MGAT5B: variants seen among roughly 807,000 people sequenced by gnomAD.
MGAT5B encodes the protein N-acetylglucosaminyl-transferase Vb.
MGAT5B carries 54 observed loss-of-function variants against 95.1 expected under a neutral mutation model. The ratio of observed to expected loss-of-function variants is 0.57; its 90% CI spans 0.46 to 0.71. The LOEUF (loss-of-function observed/expected upper bound fraction) is 0.71. Among genes scored for constraint, MGAT5B ranks in the 30% least tolerant of loss-of-function variants. The pLI is 0.00. For missense variants in MGAT5B, 935 were observed against 1,088.6 expected (o/e 0.86, Z 1.99); for synonymous variants, 464 against 451.0 (o/e 1.03, Z -0.36).
intron 8 of MGAT5B, among the ~76,000 whole-genome samples, chr17:76,923,491 T>TCCAG (rs1282177390): frequency 6.6e-6 from 1 of 152,060 alleles, no homozygotes; most frequent in African/African-American, 2.4e-5. Flanking sequence ...GATGGTCACA[T>TCCAG]CCAGCCCCAT....
intron 3 of MGAT5B, among the ~76,000 whole-genome samples, chr17:76,891,490 C>G (rs1347293147): frequency 6.6e-6 from 1 of 152,146 alleles, no homozygotes; most frequent in African/African-American, 2.4e-5. Flanking sequence ...AGCGATTCTC[C>G]TGCCTGAGCC....
At chr17:76,929,494 T>C (rs1241773314) in intron 10 of MGAT5B, among the ~76,000 whole-genome samples, 1 of 152,234 alleles carries the variant, frequency 6.6e-6, no homozygotes, top group Non-Finnish European at 1.5e-5. Flanking sequence ...TTAAAGCATA[T>C]GTTGAAGTAT....
rs1567821485 is a variant in MGAT5B, at chr17:76,933,308, CG to C, written c.1428+12del. The stretch of plus-strand genomic sequence containing the variant: ...ACGAGGCAGCTCCAGGTATGGAAAC[CG>C]CTTGCCGCCTGCCCCCTCTACCCTC... On this transcript the variant is annotated intron_variant, in intron 12 of 17. Transcript: ENST00000569840. 1 of 1,598,260 alleles carries C rather than the reference CG, an allele frequency of 6.3e-7. No individual in the cohort carries two copies. The highest frequency in any genetic ancestry group is 2.2e-5 in the East Asian group (1 of 44,870).
chr17:76,872,925 G>A lies in MGAT5B; in HGVS notation c.143G>A (p.Arg48Gln), dbSNP rs145668081. The change falls in exon 2 of 18, where the codon CGG (arginine) becomes CAG (glutamine). Residue 48 changes from arginine (R) to glutamine (Q), a missense_variant. Arg to Gln is a conservative substitution (Grantham distance 43). This residue lies in a region of MGAT5B where 243 missense variants were observed against 228.2 expected (regional missense o/e 1.06). Transcript: ENST00000569840. Reference sequence around the variant, plus strand: ...TCTCTGGGAGGCCAGTTCTCGGCCCGGCGCCTGGGGGACTCGCCATTCACC... The same window carrying A: ...TCTCTGGGAGGCCAGTTCTCGGCCCAGCGCCTGGGGGACTCGCCATTCACC... ...MTSLGGQFSA[R>Q]RLGDSPFTIR... The A allele has an allele frequency of 2.3e-5, 37 of 1,614,002 alleles. No individual in the cohort carries two copies. Among genetic ancestry groups the A allele is most frequent in the Middle Eastern group, 1.6e-4 (1 of 6,080 alleles).
chr17:76,905,313 A>G lies in MGAT5B; in HGVS notation c.835A>G (p.Thr279Ala). 6.3e-7 allele frequency: 1 copy of G among 1,595,710 alleles called. No homozygotes were observed. Among genetic ancestry groups the G allele is most frequent in the Non-Finnish European group, 8.6e-7 (1 of 1,167,198 alleles). Reference sequence around the variant, plus strand: ...GCGCCTGGCACAGAAGCTGGGGGCCACCCAGAGGGACCAGAAGCAGGTGCG... The same window carrying G: ...GCGCCTGGCACAGAAGCTGGGGGCCGCCCAGAGGGACCAGAAGCAGGTGCG... ...AQRLAQKLGATQRDQKQILVH... is the reference protein window; with the variant it reads ...AQRLAQKLGAAQRDQKQILVH... The change falls in exon 7 of 18, where the codon ACC becomes GCC. Residue 279 changes from threonine (T) to alanine (A), a missense_variant. Coordinates refer to ENST00000569840, the MANE Select transcript of MGAT5B (RefSeq NM_001199172.2). The surrounding 1 kb of genome is among the most constrained non-coding windows in gnomAD (Gnocchi z 4.2).
Position 76,946,381 on chromosome 17 carries a change from C to CT in MGAT5B, c.1854_1855insT (p.Pro619SerfsTer94). On this transcript the variant is annotated frameshift_variant, in exon 16 of 18. Coordinates refer to ENST00000569840, the MANE Select transcript of MGAT5B (RefSeq NM_001199172.2). LOFTEE classifies it high-confidence loss of function. Reference sequence around the variant, plus strand: ...TCTGCCCATCCCTCCCACAGGTAGACCCCTACCTACCCTACGAGTACACCT... The same window carrying CT: ...TCTGCCCATCCCTCCCACAGGTAGACTCCCTACCTACCCTACGAGTACACCT... 6.2e-7 allele frequency: 1 copy of CT among 1,606,520 alleles called. No individual in the cohort carries two copies. The highest frequency in any genetic ancestry group is 8.5e-7 in the Non-Finnish European group (1 of 1,176,092).
intron 3 of MGAT5B, among the ~76,000 whole-genome samples, chr17:76,895,045 G>C (rs567189318): frequency 5.9e-5 from 9 of 152,272 alleles, no homozygotes; most frequent in African/African-American, 2.2e-4. Flanking sequence ...AGGCAAGCAA[G>C]TGAGGCTTCG....
At chr17:76,882,601 G>C (rs973509587) in intron 3 of MGAT5B, 4 of 295,788 alleles carry the variant, frequency 1.4e-5, no homozygotes, top group African/African-American at 8.7e-5. Flanking sequence ...TCCATTCCGA[G>C]CACATTTGCA....
intron 3 of MGAT5B, among the ~76,000 whole-genome samples, chr17:76,897,687 TTC>T (rs1481637458): frequency 9.3e-6 from 1 of 107,656 alleles, no homozygotes; most frequent in African/African-American, 5.0e-5. Context: ...CTTTCTTTCT[TTC>T]TTTCTTTCTT....
chr17:76,921,254 C>G (rs1328275546), intron 8 of MGAT5B, among the ~76,000 whole-genome samples: 1 of 152,186 alleles, frequency 6.6e-6, no homozygotes, highest in Non-Finnish European at 1.5e-5. Flanking sequence ...TTCTGCGGCA[C>G]CTGGCCTCAC....
At chr17:76,929,162 A>G (rs894424301) in intron 10 of MGAT5B, among the ~76,000 whole-genome samples, 1 of 152,170 alleles carries the variant, frequency 6.6e-6, no homozygotes, top group Admixed American at 6.5e-5. Flanking sequence ...CACTGTGCCC[A>G]GCCAGGGCAA....
intron 8 of MGAT5B, among the ~76,000 whole-genome samples, chr17:76,910,844 A>G (rs970635674): frequency 6.6e-6 from 1 of 152,198 alleles, no homozygotes; most frequent in Non-Finnish European, 1.5e-5. Context: ...TGAATGAACG[A>G]TCTGGCTCAG....
intron 15 of MGAT5B, among the ~76,000 whole-genome samples, chr17:76,941,485 C>G (rs985732866): frequency 7.2e-5 from 11 of 152,188 alleles, no homozygotes; most frequent in Non-Finnish European, 1.5e-5. Flanking sequence ...AGGCTCAGAC[C>G]TGGTGAACGA....
chr17:76,892,841 C>T (rs1011838810), intron 3 of MGAT5B, among the ~76,000 whole-genome samples: 2 of 152,188 alleles, frequency 1.3e-5, no homozygotes, highest in African/African-American at 4.8e-5. Context: ...CAGGGGCTGA[C>T]CTCAGTCTCT....
chr17:76,910,257 A>T (rs1968686774), intron 8 of MGAT5B, among the ~76,000 whole-genome samples: 1 of 152,210 alleles, frequency 6.6e-6, no homozygotes, highest in Non-Finnish European at 1.5e-5. Context: ...GCCCGCCTGC[A>T]CCCACTGCTG....
At chr17:76,932,155 T>A (rs1331314382) in intron 10 of MGAT5B, among the ~76,000 whole-genome samples, 1 of 144,872 alleles carries the variant, frequency 6.9e-6, no homozygotes, top group African/African-American at 2.5e-5. Flanking sequence ...TTACACAGGG[T>A]CTTGCTCTGT....
intron 3 of MGAT5B, among the ~76,000 whole-genome samples, chr17:76,893,881 C>A (rs527832342): frequency 6.6e-6 from 1 of 152,192 alleles, no homozygotes; most frequent in East Asian, 1.9e-4. Context: ...GTCCTGCCCC[C>A]ACCCTGTGCA....
At position 76,904,270 on chromosome 17, in the gene MGAT5B, AC is replaced by A; in HGVS notation, c.540del (p.Ser181LeufsTer63). 1 of 1,609,926 alleles carries A rather than the reference AC, an allele frequency of 6.2e-7. No individual in the cohort carries two copies. Among genetic ancestry groups the A allele is most frequent in the Non-Finnish European group, 8.5e-7 (1 of 1,178,758 alleles). On this transcript the variant is annotated frameshift_variant, in exon 6 of 18. Transcript: ENST00000569840. LOFTEE classifies it high-confidence loss of function. ...TCTGCAGTGGATGCGTGCCCGCTGG[AC>A]CTCTGACCCCTGCTACGCCTTCTTT... is the stretch of plus-strand genomic sequence containing the variant. Reference protein sequence around the residue: ...GKVEWMRARWTSDPCYAFFGV... With the variant: ...GKVEWMRARWXSDPCYAFFGV...
intron 3 of MGAT5B, among the ~76,000 whole-genome samples, chr17:76,887,045 C>CAAAACAAAAAACAAAAAACAA (rs112646019): frequency 9.3e-5 from 14 of 151,332 alleles, no homozygotes; most frequent in Middle Eastern, 3.2e-3. Context: ...GTCTGTCTCA[C>CAAAACAAAAAACAAAAAACAA]AAAACAAAAA....
Sources: allele counts gnomAD v4.1 joint callset (sites outside exome capture counted in the v4.1 genomes callset), GRCh38; gene constraint gnomAD v4.1.1; regional missense constraint gnomAD v4.1.1; non-coding constraint Gnocchi (gnomAD v3.1); transcripts MANE v1.5; gene names NCBI Gene and HGNC (gene_info 2026-07-23, HGNC 2026-07-21).